Variants in RGSL1 observed in about 807,000 individuals in gnomAD.
RGSL1 encodes the protein regulator of G protein signaling protein-like.
In RGSL1, 97 loss-of-function variants were observed where a neutral mutation model predicts 124.7. That is an observed-to-expected ratio of 0.78 (90% CI 0.66 to 0.92). The LOEUF is 0.92. Ranked by LOEUF, RGSL1 falls within the 40% of genes least tolerant of loss-of-function variation. The pLI is 0.00. For missense variants in RGSL1, 1,233 were observed against 1,288.4 expected (o/e 0.96, Z 0.66); for synonymous variants, 424 against 438.1 (o/e 0.97, Z 0.40).
intron 6 of RGSL1, among the ~76,000 whole-genome samples, chr1:182,479,343 A>G (rs1654525731): frequency 6.6e-6 from 1 of 152,178 alleles, no homozygotes; most frequent in Admixed American, 6.5e-5. Context: ...AAATATGTAA[A>G]CTATGGCAAG....
At chr1:182,535,405 C>G (rs1166268146) in intron 14 of RGSL1, among the ~76,000 whole-genome samples, 1 of 152,130 alleles carries the variant, frequency 6.6e-6, no homozygotes, top group African/African-American at 2.4e-5. Context: ...CAGAAGCAAT[C>G]AAAAGAGGAG....
Position 182,473,682 on chromosome 1 carries a change from C to T in RGSL1, c.571C>T (p.Leu191Phe), listed in dbSNP as rs1253368907. The T allele has an allele frequency of 8.4e-6, 13 of 1,551,670 alleles. No individual in the cohort carries two copies. In the Admixed American group the frequency reaches 2.0e-4, roughly 23 times the overall value. ...TCTGTTCAAACTCCAGAGCTATTGGCTTCCCAACTTTTACACCCACACCAA... is the reference window on the plus strand; with the variant it reads ...TCTGTTCAAACTCCAGAGCTATTGGTTTCCCAACTTTTACACCCACACCAA... ...VALFKLQSYW[L>F]PNFYTHTKMT... Residue 191 changes from leucine to phenylalanine, a missense_variant, in exon 6 of 22, where the codon CTT becomes TTT. Physicochemically the swap from Leu to Phe is conservative, Grantham distance 22. Coordinates refer to ENST00000294854, the MANE Select transcript of RGSL1 (RefSeq NM_001137669.2).
intron 9 of RGSL1, among the ~76,000 whole-genome samples, chr1:182,513,551 A>C (rs1018983697): frequency 2.6e-5 from 4 of 152,186 alleles, no homozygotes; most frequent in African/African-American, 9.7e-5. Context: ...TTTAGAAGAG[A>C]GATAACTGTT....
At chr1:182,547,616 C>T (rs1252731290) in intron 15 of RGSL1, among the ~76,000 whole-genome samples, 1 of 152,142 alleles carries the variant, frequency 6.6e-6, no homozygotes, top group Non-Finnish European at 1.5e-5. Flanking sequence ...AGTCCCAGCA[C>T]TTTGGGAGGC....
intron 18 of RGSL1, among the ~76,000 whole-genome samples, chr1:182,552,213 A>T (rs1447324945): frequency 6.6e-6 from 1 of 151,714 alleles, no homozygotes; most frequent in African/African-American, 2.4e-5. Context: ...TCCTGGGTTC[A>T]CGCCATTCTC....
intron 9 of RGSL1, among the ~76,000 whole-genome samples, chr1:182,498,374 A>G (rs1057463295): frequency 5.9e-5 from 9 of 152,020 alleles, no homozygotes; most frequent in African/African-American, 1.4e-4. Context: ...GTTTATTTGA[A>G]GAGCCTCATT....
chr1:182,518,845 C>T (rs1658102857), intron 9 of RGSL1, among the ~76,000 whole-genome samples: 1 of 151,544 alleles, frequency 6.6e-6, no homozygotes. Flanking sequence ...TGGCAAAAAT[C>T]TCAGCATTGT....
chr1:182,471,389 G>A (rs1379543791), intron 4 of RGSL1: 1 of 457,240 alleles, frequency 2.2e-6, no homozygotes, highest in Non-Finnish European at 4.4e-6. Flanking sequence ...CAGTGCAGGT[G>A]GGTTCTTGGG....
chr1:182,467,925 A>C (rs1653483918), intron 4 of RGSL1, among the ~76,000 whole-genome samples: 1 of 152,212 alleles, frequency 6.6e-6, no homozygotes, highest in South Asian at 2.1e-4. Flanking sequence ...TTACAAGACA[A>C]AAACAAACAG....
chr1:182,507,523 C>G (rs1270805424), intron 9 of RGSL1, among the ~76,000 whole-genome samples: 4 of 152,098 alleles, frequency 2.6e-5, no homozygotes, highest in Non-Finnish European at 4.4e-5. Context: ...ACATAGTGAC[C>G]ACCAGTTTCA....
At chr1:182,558,114 G>A (rs1660967420) in intron 21 of RGSL1, among the ~76,000 whole-genome samples, 1 of 152,210 alleles carries the variant, frequency 6.6e-6, no homozygotes, top group African/African-American at 2.4e-5. Flanking sequence ...AATTAAAAAT[G>A]TCTGTAACAT....
intron 9 of RGSL1, among the ~76,000 whole-genome samples, chr1:182,508,519 G>A (rs1279394371): frequency 4.6e-5 from 7 of 151,590 alleles, no homozygotes; most frequent in Non-Finnish European, 8.8e-5. Context: ...GGCTGGTCTT[G>A]AACTCCTGAC....
intron 21 of RGSL1, among the ~76,000 whole-genome samples, chr1:182,557,240 C>T (rs1203062865): frequency 6.6e-6 from 1 of 152,158 alleles, no homozygotes; most frequent in Non-Finnish European, 1.5e-5. Flanking sequence ...TCTTCCCTTC[C>T]CTATCAGGGC....
chr1:182,474,371 G>A lies in RGSL1; in HGVS notation c.1260G>A (p.Gly420=). The A allele has an allele frequency of 6.4e-7, 1 of 1,551,930 alleles. No individual in the cohort carries two copies. The highest frequency in any genetic ancestry group is 8.7e-7 in the Non-Finnish European group (1 of 1,147,018). Residue 420 remains glycine (G), a synonymous_variant, in exon 6 of 22, where the codon GGG becomes GGA. Coordinates refer to ENST00000294854, the MANE Select transcript of RGSL1 (RefSeq NM_001137669.2). The stretch of plus-strand genomic sequence containing the variant: ...TCCTTCTGAATAACAAAAAGAATGG[G>A]AATGCAATCTTTCGTCACTTGCTGG... ...LSVLLNNKKN[G]NAIFRHLLGD...
At chr1:182,452,456 CTT>C (rs1210477540) in intron 1 of RGSL1, among the ~76,000 whole-genome samples, 17 of 142,098 alleles carry the variant, frequency 1.2e-4, no homozygotes, top group South Asian at 2.3e-4. Context: ...TCTGGGTTTC[CTT>C]TTTTTTTTTT....
intron 14 of RGSL1, among the ~76,000 whole-genome samples, chr1:182,533,355 A>G (rs1296315007): frequency 1.3e-5 from 2 of 148,768 alleles, no homozygotes; most frequent in African/African-American, 2.5e-5. Flanking sequence ...GTCAGTACAC[A>G]TATATCTGCC....
chr1:182,489,121 C>T lies in RGSL1; in HGVS notation c.1636C>T (p.Gln546Ter). The T allele has an allele frequency of 6.4e-7, 1 of 1,551,678 alleles. No individual in the cohort carries two copies. Among genetic ancestry groups the T allele is most frequent in the Non-Finnish European group, 8.7e-7 (1 of 1,146,996 alleles). The change falls in exon 8 of 22, where the codon CAG becomes TAG. Residue 546 changes from glutamine (Q) to a stop codon, truncating the protein, a stop_gained. Transcript: ENST00000294854. LOFTEE classifies it high-confidence loss of function. ...LADMKEMDYR[Q>*]WRKIATEDLK... is the part of the protein sequence containing the mutation. ...TGACATGAAGGAAATGGACTATAGG[C>T]AGTGGCGAAAGATAGCTACTGAGGA...
chr1:182,473,652 G>A lies in RGSL1; in HGVS notation c.541G>A (p.Val181Met), dbSNP rs377499617. The A allele has an allele frequency of 9.0e-6, 14 of 1,551,568 alleles. No individual in the cohort carries two copies. Among genetic ancestry groups the A allele is most frequent in the Middle Eastern group, 3.3e-4 (2 of 6,012 alleles). The change falls in exon 6 of 22, where the codon GTG becomes ATG. Residue 181 changes from valine to methionine, a missense_variant. By Grantham distance (21) the Val-to-Met change is conservative (BLOSUM62 1). Transcript: ENST00000294854. Reference sequence around the variant, plus strand: ...GGAGATCCTGAGCCACATGCAGAAAGTGGCTCTGTTCAAACTCCAGAGCTA... The same window carrying A: ...GGAGATCCTGAGCCACATGCAGAAAATGGCTCTGTTCAAACTCCAGAGCTA... ...RREILSHMQK[V>M]ALFKLQSYWL... is the part of the protein sequence containing the mutation.
At chr1:182,489,297 T>A in intron 8 of RGSL1, 95 bp downstream of exon 8, 2 of 1,115,698 alleles carry the variant, frequency 1.8e-6, no homozygotes, top group Non-Finnish European at 2.6e-6. Context: ...GCGTCAGCAC[T>A]ATGCAGTGCA....
Sources: allele counts gnomAD v4.1 joint callset (sites outside exome capture counted in the v4.1 genomes callset), GRCh38; gene constraint gnomAD v4.1.1; transcripts MANE v1.5; gene names NCBI Gene and HGNC (gene_info 2026-07-23, HGNC 2026-07-21).